The following SLC4A4 variants were observed in gnomAD, a reference collection of about 807,000 sequenced individuals.
SLC4A4 encodes the protein electrogenic sodium bicarbonate cotransporter 1.
SLC4A4 carries 27 observed loss-of-function variants against 111.5 expected under a neutral mutation model. The observed-to-expected ratio is 0.24, with a 90% confidence interval of 0.18 to 0.33. The LOEUF (loss-of-function observed/expected upper bound fraction) is 0.33. SLC4A4 is among the 10% of genes least tolerant of loss of function. SLC4A4 has a pLI of 1.00. For synonymous variants in SLC4A4, 443 were observed against 463.4 expected (o/e 0.96, Z 0.57); for missense variants, 909 against 1,315.5 (o/e 0.69, Z 4.78).
chr4:71,227,239 A>G (rs569728724), intron 1 of SLC4A4, among the ~76,000 whole-genome samples: 4 of 152,278 alleles, frequency 2.6e-5, no homozygotes, highest in Admixed American at 2.0e-4. Flanking sequence ...AGGAAATAGC[A>G]TGTACACGAA....
intron 4 of SLC4A4, among the ~76,000 whole-genome samples, chr4:71,346,309 GTATT>G (rs1453193295): frequency 6.6e-6 from 1 of 152,028 alleles, no homozygotes; most frequent in African/African-American, 2.4e-5. Context: ...GTAATTGCAA[GTATT>G]TAAAAAGCCT....
intron 2 of SLC4A4, among the ~76,000 whole-genome samples, chr4:71,106,091 C>T (rs1276292665): frequency 1.3e-5 from 2 of 149,222 alleles, no homozygotes; most frequent in African/African-American, 4.9e-5. Flanking sequence ...AAACAAACAA[C>T]CCCATCAAAA....
Position 71,502,602 on chromosome 4 carries a change from A to G in SLC4A4, c.2166+4910A>G, listed in dbSNP as rs116530616. Among the ~76,000 whole-genome samples the G allele has an allele frequency of 6.2e-3, 938 of 152,308 alleles. 16 individuals are homozygous for G. Among genetic ancestry groups the G allele is most frequent in the African/African-American group, 0.021 (869 of 41,558 alleles). On this transcript the variant is annotated intron_variant, in intron 16 of 25. Coordinates refer to ENST00000264485, the MANE Select transcript of SLC4A4 (RefSeq NM_001098484.3). ...ACACATTGGTTATTTAGTAGCATACATATTCAGGAGCATAAACTTCCATGT... is the reference window on the plus strand; with the variant it reads ...ACACATTGGTTATTTAGTAGCATACGTATTCAGGAGCATAAACTTCCATGT...
At chr4:71,175,311 G>T (rs1328530367) in intron 2 of SLC4A4, among the ~76,000 whole-genome samples, 2 of 152,206 alleles carry the variant, frequency 1.3e-5, no homozygotes, top group Non-Finnish European at 2.9e-5. Context: ...TGAGGTACGG[G>T]GTTCATCTCA....
At chr4:71,376,032 CATATATATACATATATACACGTAT>C (rs1208983022) in intron 6 of SLC4A4, among the ~76,000 whole-genome samples, 11 of 150,018 alleles carry the variant, frequency 7.3e-5, no homozygotes, top group African/African-American at 1.5e-4. Flanking sequence ...ACCAAAACTA[CATATATATACATATATACACGTAT>C]ATATATATAC....
intron 1 of SLC4A4, among the ~76,000 whole-genome samples, chr4:71,076,448 C>T (rs891266833): frequency 1.3e-5 from 2 of 151,766 alleles, no homozygotes; most frequent in Non-Finnish European, 2.9e-5. Flanking sequence ...AGGAGAATCA[C>T]TTAAACCCGG....
chr4:71,419,811 C>T (rs35422595), intron 7 of SLC4A4, among the ~76,000 whole-genome samples: 30,019 of 152,102 alleles, frequency 0.2, 3,302 homozygotes, highest in South Asian at 0.42. Flanking sequence ...AGCTGTAGAC[C>T]GGAGCTGTTC....
intron 7 of SLC4A4, among the ~76,000 whole-genome samples, chr4:71,420,573 G>A (rs1395259094): frequency 6.6e-6 from 1 of 152,164 alleles, no homozygotes; most frequent in Non-Finnish European, 1.5e-5. Flanking sequence ...AAATGTTAAG[G>A]GCAGCCAGAG....
At chr4:71,242,284 A>G (rs750925654) in intron 2 of SLC4A4, among the ~76,000 whole-genome samples, 3 of 152,208 alleles carry the variant, frequency 2.0e-5, no homozygotes, top group Non-Finnish European at 4.4e-5. Flanking sequence ...TTGCCTATAG[A>G]TTGAGCTTCT....
chr4:71,429,842 T>C (rs1247162229), intron 7 of SLC4A4, among the ~76,000 whole-genome samples: 1 of 152,188 alleles, frequency 6.6e-6, no homozygotes, highest in African/African-American at 2.4e-5. Context: ...TTGAGCGATA[T>C]CAACCTGATA....
At chr4:71,402,873 T>C (rs1471950355) in intron 7 of SLC4A4, among the ~76,000 whole-genome samples, 2 of 152,238 alleles carry the variant, frequency 1.3e-5, no homozygotes, top group Admixed American at 6.5e-5. Context: ...CATTATTTTT[T>C]CCCTGTCTAC....
chr4:71,395,788 C>G (rs1046035666), intron 6 of SLC4A4, among the ~76,000 whole-genome samples: 1 of 152,152 alleles, frequency 6.6e-6, no homozygotes, highest in African/African-American at 2.4e-5. Flanking sequence ...AAATTTATTT[C>G]AGTACTGCCA....
chr4:71,107,408 G>C (rs1198143588), intron 2 of SLC4A4, among the ~76,000 whole-genome samples: 1 of 151,826 alleles, frequency 6.6e-6, no homozygotes, highest in East Asian at 1.9e-4. Flanking sequence ...GTGCAGTGGT[G>C]CCCTCTCGGC....
At chr4:71,107,848 C>T (rs1252893097) in intron 2 of SLC4A4, among the ~76,000 whole-genome samples, 4 of 134,646 alleles carry the variant, frequency 3.0e-5, no homozygotes, top group African/African-American at 1.1e-4. Context: ...GCTGGGACTA[C>T]AGGCAAACAC....
chr4:71,265,398 A>G (rs1722166568), intron 3 of SLC4A4, among the ~76,000 whole-genome samples: 1 of 152,168 alleles, frequency 6.6e-6, no homozygotes, highest in Non-Finnish European at 1.5e-5. Flanking sequence ...TAAAAATGTC[A>G]TTGATTTCTG....
intron 2 of SLC4A4, among the ~76,000 whole-genome samples, chr4:71,160,666 A>C (rs1313345812): frequency 3.1e-5 from 4 of 129,926 alleles, no homozygotes; most frequent in Non-Finnish European, 6.0e-5. Context: ...CTTAGAAAAA[A>C]AGAAAGGAAT....
chr4:71,357,172 A>T lies in SLC4A4; in HGVS notation c.715A>T (p.Thr239Ser), dbSNP rs148500426. The T allele has an allele frequency of 5.6e-6, 9 of 1,614,146 alleles. No individual in the cohort carries two copies. The Admixed American group carries it at 1.0e-4, about 18-fold the overall frequency. ...KTVSSASRMF[T>S]NPDNGSPAMT... The stretch of plus-strand genomic sequence containing the variant: ...AGTCTCCAGTGCAAGTAGGATGTTT[A>T]CCAACCCTGATAATGGTAATGCAGA... Residue 239 changes from threonine to serine, a missense_variant, in exon 6 of 26, where the codon ACC becomes TCC. Transcript: ENST00000264485.
chr4:71,159,878 ATTCTATAG>A (rs1371035787), intron 2 of SLC4A4, among the ~76,000 whole-genome samples: 5 of 146,038 alleles, frequency 3.4e-5, no homozygotes, highest in Admixed American at 6.8e-5. Context: ...CTAAAGTTCT[ATTCTATAG>A]TTCTATAGTT....
intron 18 of SLC4A4, among the ~76,000 whole-genome samples, chr4:71,536,639 G>C (rs1477446895): frequency 6.6e-6 from 1 of 150,702 alleles, no homozygotes; most frequent in African/African-American, 2.4e-5. Context: ...TGGAATTACA[G>C]GGGCATGCCA....
Sources: gnomAD v4.1 joint callset for allele counts (sites outside exome capture counted in the v4.1 genomes callset) on GRCh38, gnomAD v4.1.1 for gene constraint, MANE v1.5 for transcripts, NCBI Gene and HGNC (gene_info 2026-07-23, HGNC 2026-07-21) for gene names.